GRM7: variants seen among roughly 807,000 people sequenced by gnomAD.
GRM7 encodes metabotropic glutamate receptor 7.
A neutral mutation model predicts 84.5 loss-of-function variants in GRM7; 35 were observed. The ratio of observed to expected loss-of-function variants is 0.41; its 90% CI spans 0.32 to 0.55. GRM7 has a LOEUF of 0.55. Among genes scored for constraint, GRM7 ranks in the 20% least tolerant of loss-of-function variants. GRM7 has a pLI of 0.19. For missense variants in GRM7, 1,003 were observed against 1,194.6 expected, an observed-to-expected ratio of 0.84 and a Z score of 2.36; for synonymous variants, 487 against 455.1, an observed-to-expected ratio of 1.07 and a Z score of -0.89.
rs374304006 is a variant in GRM7 at position 7,103,764 on chromosome 3, T to TTCTCTC, written c.520-42685_520-42684insCTCTCT. Among the ~76,000 whole-genome samples, 151 of 104,214 alleles carry TTCTCTC rather than the reference T, an allele frequency of 1.4e-3. 3 individuals are homozygous for TTCTCTC. Among genetic ancestry groups the TTCTCTC allele is most frequent in the African/African-American group, 5.5e-3 (136 of 24,530 alleles). 68.4% of individuals were successfully genotyped at this position (104,214 alleles called of 152,430 possible). A position where few individuals can be genotyped will look rare whatever the true frequency, so the allele number is the denominator to read the frequency against. ...TCTCTCTCTCCCTTTCTTTCTTTCT[T>TTCTCTC]TCTTTCTTTCTTTCTTTCTTTCTTT... is the stretch of plus-strand genomic sequence containing the variant. On this transcript the variant is annotated intron_variant, in intron 1 of 9. Transcript: ENST00000357716.
intron 1 of GRM7, among the ~76,000 whole-genome samples, chr3:7,067,847 G>C (rs1697723278): frequency 6.6e-6 from 1 of 151,900 alleles, no homozygotes; most frequent in South Asian, 2.1e-4. Context: ...CCACCTTTTA[G>C]TATTGGATTA....
chr3:6,946,463 C>A (rs1698086434), intron 1 of GRM7, among the ~76,000 whole-genome samples: 1 of 152,140 alleles, frequency 6.6e-6, no homozygotes, highest in African/African-American at 2.4e-5. Flanking sequence ...GTTACTGTAG[C>A]CCTGTAGTAT....
At chr3:7,649,109 G>A (rs980405012) in intron 8 of GRM7, among the ~76,000 whole-genome samples, 14 of 150,896 alleles carry the variant, frequency 9.3e-5, no homozygotes, top group African/African-American at 2.9e-4. Context: ...TCGCTCTGTT[G>A]CCCAGGCTGG....
intron 1 of GRM7, among the ~76,000 whole-genome samples, chr3:7,044,998 A>G (rs1696752580): frequency 6.6e-6 from 1 of 152,132 alleles, no homozygotes; most frequent in Non-Finnish European, 1.5e-5. Flanking sequence ...TGTACTGTTG[A>G]ATGATTGGCA....
chr3:7,454,599 CTG>C (rs1339361221), intron 6 of GRM7, among the ~76,000 whole-genome samples: 11 of 152,048 alleles, frequency 7.2e-5, no homozygotes, highest in African/African-American at 2.7e-4. Flanking sequence ...TCTAGTAAAT[CTG>C]TATTTTTCTC....
At chr3:7,096,928 C>G (rs190001541) in intron 1 of GRM7, among the ~76,000 whole-genome samples, 1 of 152,160 alleles carries the variant, frequency 6.6e-6, no homozygotes, top group East Asian at 1.9e-4. Context: ...GAAATGGAAA[C>G]AAAAACAAGT....
intron 7 of GRM7, among the ~76,000 whole-genome samples, chr3:7,575,920 G>T (rs1431515349): frequency 1.3e-5 from 2 of 152,152 alleles, no homozygotes; most frequent in Non-Finnish European, 2.9e-5. Context: ...AAAATAATGA[G>T]TTGGCAGCAT....
intron 1 of GRM7, among the ~76,000 whole-genome samples, chr3:6,924,379 G>C (rs1697228220): frequency 6.6e-6 from 1 of 152,120 alleles, no homozygotes. Context: ...TATAATTTCA[G>C]TAGTTCTTAA....
At chr3:7,715,107 CT>C (rs1298724970) in intron 9 of GRM7, among the ~76,000 whole-genome samples, 1 of 152,144 alleles carries the variant, frequency 6.6e-6, no homozygotes, top group African/African-American at 2.4e-5. Flanking sequence ...GGAATTCTCA[CT>C]GCATGACCCA....
At chr3:7,710,860 C>G (rs1701555687) in intron 9 of GRM7, among the ~76,000 whole-genome samples, 1 of 152,224 alleles carries the variant, frequency 6.6e-6, no homozygotes, top group African/African-American at 2.4e-5. Context: ...AAATGTACCA[C>G]TGTCTCTGCC....
rs1381495606 is a variant in GRM7, at chr3:7,041,910, A to C, written c.520-104542A>C. Among the ~76,000 whole-genome samples the C allele has an allele frequency of 2.4e-4, 37 of 152,190 alleles. 1 individual carries two copies. Among genetic ancestry groups the C allele is most frequent in the Non-Finnish European group, 2.9e-5 (2 of 68,030 alleles). On this transcript the variant is annotated intron_variant, in intron 1 of 9. Transcript: ENST00000357716. The stretch of plus-strand genomic sequence containing the variant: ...AGTGTTAGTTCATTATCAATGGCCA[A>C]TGACTTAACCAATCTTGCTTACATA...
rs3864072 is a variant in GRM7 at position 7,650,329 on chromosome 3, C to T, written c.2452-29720C>T. 2.3e-3 allele frequency among the ~76,000 whole-genome samples: 343 copies of T among 152,238 alleles called. 3 individuals carry two copies. Among genetic ancestry groups the T allele is most frequent in the African/African-American group, 7.7e-3 (321 of 41,530 alleles). ...TGAGCCTCCCTTTCTGATCTGAACCCGGGTGATAGTAATGGTACCCATCTA... is the reference window on the plus strand; with the variant it reads ...TGAGCCTCCCTTTCTGATCTGAACCTGGGTGATAGTAATGGTACCCATCTA... On this transcript the variant is annotated intron_variant, in intron 8 of 9. Transcript: ENST00000357716.
chr3:7,625,041 G>A (rs532348027), intron 8 of GRM7, among the ~76,000 whole-genome samples: 35 of 152,246 alleles, frequency 2.3e-4, no homozygotes, highest in East Asian at 7.7e-4. Context: ...CTCAGCAGCC[G>A]CGTTGGTATT....
At chr3:7,729,174 A>C (rs1559509170) in intron 9 of GRM7, among the ~76,000 whole-genome samples, 2 of 152,144 alleles carry the variant, frequency 1.3e-5, no homozygotes, top group South Asian at 4.1e-4. Flanking sequence ...CCCAACATCA[A>C]TACTTATGGC....
intron 1 of GRM7, among the ~76,000 whole-genome samples, chr3:6,880,052 C>A (rs145178724): frequency 1.3e-5 from 2 of 152,286 alleles, no homozygotes; most frequent in East Asian, 1.9e-4. Context: ...TCATCAGACT[C>A]TCACTTAGAT....
chr3:7,666,700 G>C (rs1442797431), intron 8 of GRM7, among the ~76,000 whole-genome samples: 1 of 152,054 alleles, frequency 6.6e-6, no homozygotes, highest in African/African-American at 2.4e-5. Context: ...GAGGGCATTG[G>C]GATGAGAAGG....
chr3:7,263,500 G>T (rs1282982417), intron 2 of GRM7, among the ~76,000 whole-genome samples: 1 of 152,188 alleles, frequency 6.6e-6, no homozygotes, highest in African/African-American at 2.4e-5. Context: ...CTCTGTGTGG[G>T]CATTTGCAGC....
At chr3:7,104,249 C>A (rs541103465) in intron 1 of GRM7, among the ~76,000 whole-genome samples, 1 of 150,842 alleles carries the variant, frequency 6.6e-6, no homozygotes, top group African/African-American at 2.4e-5. Context: ...CTTTTCTGTT[C>A]TGCTCTCTTT....
In GRM7 at chr3:6,862,716, C is replaced by G. The variant is rs530036773; in HGVS notation, c.519+809C>G. Reference sequence around the variant, plus strand: ...AACGAAATCGCTCTCCCTGCCTCCTCCCTCCTCCCCCCCGCCCCCCTCACC... The same window carrying G: ...AACGAAATCGCTCTCCCTGCCTCCTGCCTCCTCCCCCCCGCCCCCCTCACC... On this transcript the variant is annotated intron_variant, in intron 1 of 9. Transcript: ENST00000357716. The surrounding 1 kb of genome is among the most constrained non-coding windows in gnomAD (Gnocchi z 5.2). The G allele has an allele frequency of 1.3e-3, 302 of 223,882 alleles. 1 individual carries two copies. Among genetic ancestry groups the G allele is most frequent in the South Asian group, 8.8e-3 (297 of 33,652 alleles). 13.9% of individuals were successfully genotyped at this position (223,882 alleles called of 1,614,324 possible).
Sources: gnomAD v4.1 joint callset for allele counts (sites outside exome capture counted in the v4.1 genomes callset) on GRCh38, gnomAD v4.1.1 for gene constraint, Gnocchi (gnomAD v3.1) non-coding constraint, MANE v1.5 for transcripts, NCBI Gene and HGNC (gene_info 2026-07-23, HGNC 2026-07-21) for gene names.